The following C8orf34 variants were observed in gnomAD, a reference collection of about 807,000 sequenced individuals.
C8orf34 encodes the protein uncharacterized protein C8orf34.
A neutral mutation model predicts 68.3 loss-of-function variants in C8orf34; 65 were observed. The observed-to-expected ratio is 0.95, with a 90% CI of 0.78 to 1.17. The LOEUF (loss-of-function observed/expected upper bound fraction) is 1.17, where lower values mean the gene tolerates loss of function less well. Ranked by LOEUF, C8orf34 falls within the 50% of genes most tolerant of loss-of-function variation. The probability of loss-of-function intolerance (pLI) is 0.00; values close to 1 mark genes in which losing one functional copy is unlikely to be tolerated. For missense variants in C8orf34, 664 were observed against 655.4 expected, an observed-to-expected ratio of 1.01 and a Z score of -0.14; for synonymous variants, 244 against 241.2, an observed-to-expected ratio of 1.01 and a Z score of -0.11.
At chr8:68,785,972 G>T (rs1823833350) in intron 11 of C8orf34, among the ~76,000 whole-genome samples, 1 of 152,178 alleles carries the variant, frequency 6.6e-6, no homozygotes, top group Non-Finnish European at 1.5e-5. Flanking sequence ...ACTGTTTTAA[G>T]CAAAGTGGAC....
chr8:68,654,466 C>T (rs554527024), intron 8 of C8orf34, among the ~76,000 whole-genome samples: 2 of 152,212 alleles, frequency 1.3e-5, no homozygotes, highest in South Asian at 4.1e-4. Flanking sequence ...TACTTTCCTC[C>T]TCTAGATAAA....
chr8:68,385,245 A>G (rs1808211545), intron 1 of C8orf34, among the ~76,000 whole-genome samples: 2 of 152,182 alleles, frequency 1.3e-5, no homozygotes, highest in Non-Finnish European at 2.9e-5. Flanking sequence ...ACATGGAGGC[A>G]CAGAGAGGTT....
chr8:68,696,266 T>C (rs1820831937), intron 8 of C8orf34, among the ~76,000 whole-genome samples: 1 of 147,958 alleles, frequency 6.8e-6, no homozygotes, highest in Admixed American at 6.8e-5. Context: ...ATAATAAATA[T>C]GAACAGTAAA....
At position 68,446,497 on chromosome 8, in the gene C8orf34, T is replaced by C; in HGVS notation, c.607+37T>C. On this transcript the variant is annotated intron_variant, in intron 3 of 13. Transcript: ENST00000518698. ...TCTTATTCAAATGCTATTCAAAGCA[T>C]GTAAGTTTATGTTGTTAAGAAAATG... 3 of 1,575,848 alleles carry C rather than the reference T, an allele frequency of 1.9e-6. No homozygotes were observed. The South Asian group carries it at 3.6e-5, about 19-fold the overall frequency.
chr8:68,756,137 G>C (rs1822854543), intron 10 of C8orf34, among the ~76,000 whole-genome samples: 1 of 151,716 alleles, frequency 6.6e-6, no homozygotes, highest in African/African-American at 2.4e-5. Context: ...GTGCATATGA[G>C]AGCCGCCAGT....
chr8:68,570,478 A>T (rs1310919101), intron 7 of C8orf34, among the ~76,000 whole-genome samples: 3 of 152,218 alleles, frequency 2.0e-5, no homozygotes, highest in Non-Finnish European at 2.9e-5. Context: ...TCCTTATGCT[A>T]ATAAAACATT....
intron 10 of C8orf34, among the ~76,000 whole-genome samples, chr8:68,775,445 G>A (rs1204402039): frequency 2.0e-5 from 3 of 152,030 alleles, no homozygotes; most frequent in African/African-American, 4.8e-5. Flanking sequence ...CCAATGTTTA[G>A]ATGAGTTTGG....
chr8:68,658,401 T>A (rs1330081924), intron 8 of C8orf34, among the ~76,000 whole-genome samples: 1 of 152,186 alleles, frequency 6.6e-6, no homozygotes, highest in Non-Finnish European at 1.5e-5. Flanking sequence ...ATTCCCAATG[T>A]CTTTGCCATT....
At chr8:68,655,629 G>A (rs1209112328) in intron 8 of C8orf34, among the ~76,000 whole-genome samples, 1 of 152,148 alleles carries the variant, frequency 6.6e-6, no homozygotes, top group Non-Finnish European at 1.5e-5. Context: ...TAAGCGATCT[G>A]AGTACAATTA....
chr8:68,453,392 T>C (rs1403746911), intron 3 of C8orf34, among the ~76,000 whole-genome samples: 1 of 152,000 alleles, frequency 6.6e-6, no homozygotes. Context: ...CATAACAAGG[T>C]TTCCAATTCA....
chr8:68,772,618 A>G (rs1293937354), intron 10 of C8orf34, among the ~76,000 whole-genome samples: 1 of 152,018 alleles, frequency 6.6e-6, no homozygotes, highest in Admixed American at 6.6e-5. Context: ...TTATATTAAA[A>G]ACTCACAATA....
At chr8:68,671,861 A>G (rs1820022686) in intron 8 of C8orf34, among the ~76,000 whole-genome samples, 1 of 152,096 alleles carries the variant, frequency 6.6e-6, no homozygotes, top group African/African-American at 2.4e-5. Flanking sequence ...GAGGTTTGCA[A>G]TTTAGGTAGA....
intron 11 of C8orf34, among the ~76,000 whole-genome samples, chr8:68,779,773 G>T (rs75875859): frequency 6.6e-6 from 1 of 151,710 alleles, no homozygotes; most frequent in Non-Finnish European, 1.5e-5. Flanking sequence ...ATTCACGAAG[G>T]TTTACTTTCT....
At chr8:68,547,983 A>T (rs1815941624) in intron 7 of C8orf34, among the ~76,000 whole-genome samples, 1 of 151,816 alleles carries the variant, frequency 6.6e-6, no homozygotes, top group African/African-American at 2.4e-5. Flanking sequence ...GTGCTGGAAC[A>T]ATTGAATAAA....
chr8:68,506,276 T>C (rs1814019230), intron 5 of C8orf34, among the ~76,000 whole-genome samples: 1 of 152,214 alleles, frequency 6.6e-6, no homozygotes, highest in South Asian at 2.1e-4. Context: ...CCACCAACAG[T>C]TCATAATTTT....
chr8:68,729,985 A>G (rs1434271672), intron 10 of C8orf34, among the ~76,000 whole-genome samples: 6 of 152,150 alleles, frequency 3.9e-5, no homozygotes. Context: ...GATTTTATGT[A>G]AATTGGTTTA....
chr8:68,429,000 G>A (rs1023689651), intron 1 of C8orf34, among the ~76,000 whole-genome samples: 2 of 152,038 alleles, frequency 1.3e-5, no homozygotes, highest in Non-Finnish European at 1.5e-5. Flanking sequence ...AGAAAATAAC[G>A]TAGGATAATA....
At chr8:68,408,467 G>T (rs1384340319) in intron 1 of C8orf34, among the ~76,000 whole-genome samples, 1 of 152,026 alleles carries the variant, frequency 6.6e-6, no homozygotes, top group Non-Finnish European at 1.5e-5. Context: ...AAAGGTTGGG[G>T]ACTGCTGCCA....
chr8:68,759,818 A>G (rs1025113111), intron 10 of C8orf34, among the ~76,000 whole-genome samples: 6 of 152,248 alleles, frequency 3.9e-5, no homozygotes, highest in Non-Finnish European at 8.8e-5. Context: ...AGAACATGCT[A>G]TATTCACTTT....
Sources: gnomAD v4.1 joint callset for allele counts (sites outside exome capture counted in the v4.1 genomes callset) on GRCh38, gnomAD v4.1.1 for gene constraint, MANE v1.5 for transcripts, NCBI Gene and HGNC (gene_info 2026-07-23, HGNC 2026-07-21) for gene names.